GAB1: variants seen among roughly 807,000 people sequenced by gnomAD.
GAB1 encodes the protein GRB2-associated-binding protein 1.
In GAB1, 19 loss-of-function variants were observed where a neutral mutation model predicts 66.5. The ratio of observed to expected loss-of-function variants is 0.29; its 90% CI spans 0.20 to 0.42. The LOEUF is 0.42. Ranked by LOEUF, GAB1 falls within the 10% of genes least tolerant of loss-of-function variation. The pLI, the probability that GAB1 is intolerant of heterozygous loss-of-function variation, is 1.00. For synonymous variants in GAB1, 294 were observed against 301.4 expected, an observed-to-expected ratio of 0.98 and a Z score of 0.25; for missense variants, 732 against 858.5, an observed-to-expected ratio of 0.85 and a Z score of 1.84.
Position 143,415,774 on chromosome 4 carries a change from A to G in GAB1, c.367+3A>G. On this transcript the variant is annotated splice_donor_region_variant and intron_variant, in intron 2 of 9. Coordinates refer to ENST00000262994, the MANE Select transcript of GAB1 (RefSeq NM_002039.4). ...TGGGTTTAATCCAACAGAAGAAGGT[A>G]AGTTCAAGATATTACTATTCAACTT... The G allele has an allele frequency of 6.3e-7, 1 of 1,594,300 alleles. No homozygotes were observed. The highest frequency in any genetic ancestry group is 8.6e-7 in the Non-Finnish European group (1 of 1,167,892).
chr4:143,466,002 C>A, intron 8 of GAB1, 101 bp from the exon 9 acceptor site: 1 of 1,298,960 alleles, frequency 7.7e-7, no homozygotes, highest in Non-Finnish European at 1.1e-6. Context: ...TAAGCTATGT[C>A]CTCTTGAAAG....
intron 9 of GAB1, among the ~76,000 whole-genome samples, chr4:143,467,501 T>C (rs1735854663): frequency 6.6e-6 from 1 of 152,218 alleles, no homozygotes. Flanking sequence ...CTTTATCAAA[T>C]ATGTCTGGCC....
chr4:143,418,447 G>A (rs999043033), intron 2 of GAB1, among the ~76,000 whole-genome samples: 2 of 152,196 alleles, frequency 1.3e-5, no homozygotes, highest in Non-Finnish European at 2.9e-5. Flanking sequence ...GTCAGTTGAT[G>A]TCAATGACAT....
intron 6 of GAB1, among the ~76,000 whole-genome samples, chr4:143,445,782 TG>T (rs1421958605): frequency 1.3e-5 from 2 of 152,170 alleles, no homozygotes; most frequent in African/African-American, 2.4e-5. Flanking sequence ...TTTATTGATT[TG>T]TTTTTTTGTT....
intron 3 of GAB1, chr4:143,434,022 G>A (rs1733812772): frequency 1.1e-6 from 1 of 903,380 alleles, no homozygotes; most frequent in Admixed American, 2.4e-5. Context: ...AGTATTACTT[G>A]CTTAACAGAT....
intron 2 of GAB1, among the ~76,000 whole-genome samples, chr4:143,429,010 TAAAA>T (rs764747064): frequency 3.9e-5 from 6 of 152,050 alleles, no homozygotes; most frequent in East Asian, 1.9e-4. Flanking sequence ...TAAAAATAAA[TAAAA>T]AAAATCATGA....
chr4:143,363,916 G>A (rs1451957938), intron 1 of GAB1, among the ~76,000 whole-genome samples: 2 of 152,048 alleles, frequency 1.3e-5, no homozygotes, highest in South Asian at 2.1e-4. Flanking sequence ...ACTTAAATTC[G>A]TGCTGGCCGT....
chr4:143,404,789 CT>C (rs1285946196), intron 1 of GAB1, among the ~76,000 whole-genome samples: 2 of 152,186 alleles, frequency 1.3e-5, no homozygotes, highest in African/African-American at 4.8e-5. Context: ...CATATGATAG[CT>C]TCTAGCCACA....
chr4:143,385,983 T>TA (rs1201025010), intron 1 of GAB1, among the ~76,000 whole-genome samples: 8 of 151,012 alleles, frequency 5.3e-5, no homozygotes, highest in Non-Finnish European at 1.0e-4. Context: ...ATACAAAAAT[T>TA]TAAAAAAAAC....
chr4:143,461,668 C>T (rs534182809), intron 8 of GAB1, among the ~76,000 whole-genome samples: 2 of 152,124 alleles, frequency 1.3e-5, no homozygotes, highest in Non-Finnish European at 2.9e-5. Context: ...AAATCCCATG[C>T]ATATGGGAGA....
At chr4:143,455,146 A>T (rs28925924) in intron 6 of GAB1, among the ~76,000 whole-genome samples, 64,011 of 151,924 alleles carry the variant, frequency 0.42, 15,374 homozygotes, top group African/African-American at 0.66. Context: ...GTTGTCATAT[A>T]GGGAAATCAT....
chr4:143,450,644 T>A (rs2149778538), intron 6 of GAB1, among the ~76,000 whole-genome samples: 1 of 152,188 alleles, frequency 6.6e-6, no homozygotes, highest in African/African-American at 2.4e-5. Context: ...AATCCCAGCA[T>A]CTGGGGAGAC....
intron 1 of GAB1, among the ~76,000 whole-genome samples, chr4:143,337,938 G>C (rs190891068): frequency 1.6e-4 from 25 of 152,294 alleles, no homozygotes; most frequent in African/African-American, 4.8e-4. Flanking sequence ...GAGGGCGCTG[G>C]GGGGGAGCCT....
intron 1 of GAB1, among the ~76,000 whole-genome samples, chr4:143,355,524 G>A (rs918780994): frequency 6.6e-6 from 1 of 152,104 alleles, no homozygotes; most frequent in Non-Finnish European, 1.5e-5. Flanking sequence ...AGATTGTTGT[G>A]CCAGCCCAAT....
At chr4:143,348,363 CA>C (rs761281852) in intron 1 of GAB1, among the ~76,000 whole-genome samples, 23 of 152,240 alleles carry the variant, frequency 1.5e-4, no homozygotes, top group Middle Eastern at 3.2e-3. Flanking sequence ...ATGCCCACAG[CA>C]GATCTTATCA....
chr4:143,382,772 C>T (rs1210984066), intron 1 of GAB1, among the ~76,000 whole-genome samples: 1 of 147,642 alleles, frequency 6.8e-6, no homozygotes, highest in Admixed American at 6.8e-5. Flanking sequence ...GCAGTTAAGA[C>T]TTTTTTTTTT....
chr4:143,442,227 G>T (rs1384793544), intron 6 of GAB1, among the ~76,000 whole-genome samples: 3 of 152,134 alleles, frequency 2.0e-5, no homozygotes, highest in Non-Finnish European at 2.9e-5. Context: ...TGTTAAACTG[G>T]TGCTTTCCTT....
intron 6 of GAB1, among the ~76,000 whole-genome samples, chr4:143,445,007 G>A (rs1467071826): frequency 1.3e-5 from 2 of 152,326 alleles, no homozygotes; most frequent in East Asian, 3.9e-4. Context: ...GGGCACCTAG[G>A]TTGATTCCAT....
intron 6 of GAB1, among the ~76,000 whole-genome samples, chr4:143,448,191 C>G (rs972119314): frequency 1.3e-5 from 2 of 151,754 alleles, no homozygotes; most frequent in African/African-American, 2.4e-5. Flanking sequence ...ATTCTGTTTG[C>G]CAGTATTTTA....
Sources: allele counts gnomAD v4.1 joint callset (sites outside exome capture counted in the v4.1 genomes callset), GRCh38; gene constraint gnomAD v4.1.1; transcripts MANE v1.5; gene names NCBI Gene and HGNC (gene_info 2026-07-23, HGNC 2026-07-21).